ADAMTS2: variants seen among roughly 807,000 people sequenced by gnomAD.
ADAMTS2 encodes ADAM metallopeptidase with thrombospondin type 1 motif 2.
ADAMTS2 carries 50 observed loss-of-function variants against 123.0 expected under a neutral mutation model. That is an observed-to-expected ratio of 0.41 (90% CI 0.32 to 0.51). ADAMTS2 has a LOEUF of 0.51. Among genes scored for constraint, ADAMTS2 ranks in the 20% least tolerant of loss-of-function variants. The pLI is 0.35. For missense variants in ADAMTS2, 1,494 were observed against 1,705.2 expected (o/e 0.88, Z 2.18); for synonymous variants, 678 against 695.4 (o/e 0.98, Z 0.39).
In ADAMTS2 at chr5:179,117,897, A is replaced by G. The variant is rs1452087060; in HGVS notation, c.3179-3573T>C. The stretch of plus-strand genomic sequence containing the variant: ...AAGGCAGAGCTGAGTCCTGTGACAG[A>G]GACCATGTGGGCTCCAATGCCCAAA... On this transcript the variant is annotated intron_variant, in intron 21 of 21. Coordinates refer to ENST00000251582, the MANE Select transcript of ADAMTS2 (RefSeq NM_014244.5). This position sits in a 1 kb window ranked among gnomAD's most constrained non-coding sequence, Gnocchi z 4.2. Among the ~76,000 whole-genome samples the G allele has an allele frequency of 6.6e-6, 1 of 152,198 alleles. No individual in the cohort carries two copies. Among genetic ancestry groups the G allele is most frequent in the Non-Finnish European group, 1.5e-5 (1 of 68,030 alleles).
At chr5:179,299,530 A>AACACACACACACACACACACACAC (rs3986821) in intron 2 of ADAMTS2, among the ~76,000 whole-genome samples, 76 of 120,518 alleles carry the variant, frequency 6.3e-4, no homozygotes, top group South Asian at 4.8e-3. Context: ...CTCCAACTCA[A>AACACACACACACACACACACACAC]ACACACACAC....
chr5:179,276,921 G>A (rs927791179), intron 2 of ADAMTS2, among the ~76,000 whole-genome samples: 2 of 152,172 alleles, frequency 1.3e-5, no homozygotes, highest in Non-Finnish European at 2.9e-5. Context: ...GCCTGGGGAA[G>A]GGCAGTACTC....
chr5:179,175,398 C>A lies in ADAMTS2; in HGVS notation c.975+5674G>T, dbSNP rs1401281881. Among the ~76,000 whole-genome samples the A allele has an allele frequency of 1.3e-5, 2 of 152,240 alleles. No homozygotes were observed. The highest frequency in any genetic ancestry group is 4.8e-5 in the African/African-American group (2 of 41,460). ...ATGAATCTGGGAAAGGCCAACCTCT[C>A]GATTATACCCAGCTTCCCATGAGGA... On this transcript the variant is annotated intron_variant, in intron 5 of 21. Coordinates refer to ENST00000251582, the MANE Select transcript of ADAMTS2 (RefSeq NM_014244.5). This position sits in a 1 kb window ranked among gnomAD's most constrained non-coding sequence, Gnocchi z 4.1.
intron 2 of ADAMTS2, among the ~76,000 whole-genome samples, chr5:179,286,307 A>G (rs1426811002): frequency 6.7e-6 from 1 of 148,956 alleles, no homozygotes; most frequent in Non-Finnish European, 1.5e-5. Flanking sequence ...ACACCTTTGC[A>G]CAGCTGTTCC....
intron 3 of ADAMTS2, among the ~76,000 whole-genome samples, chr5:179,263,795 G>A (rs978561536): frequency 7.9e-5 from 12 of 152,258 alleles, no homozygotes; most frequent in Non-Finnish European, 1.3e-4. Flanking sequence ...AGAGAGAGAA[G>A]ACAGACGCCA....
At chr5:179,230,655 G>C (rs1428515188) in intron 3 of ADAMTS2, among the ~76,000 whole-genome samples, 1 of 152,142 alleles carries the variant, frequency 6.6e-6, no homozygotes, top group African/African-American at 2.4e-5. Context: ...TCCATTTCAC[G>C]CATGTACCTA....
At chr5:179,138,003 G>A (rs1763096217) in intron 11 of ADAMTS2, 59 bp from the exon 12 acceptor site, 1 of 1,527,626 alleles carries the variant, frequency 6.5e-7, no homozygotes, top group East Asian at 2.4e-5. Context: ...CAGCACCCGG[G>A]TGCCCTTGTG....
chr5:179,296,524 A>G (rs1756339191), intron 2 of ADAMTS2, among the ~76,000 whole-genome samples: 1 of 152,160 alleles, frequency 6.6e-6, no homozygotes, highest in Non-Finnish European at 1.5e-5. Context: ...TTCAGCAAGG[A>G]AAGCAGGAGG....
chr5:179,124,668 C>T (rs1762820055), intron 19 of ADAMTS2, among the ~76,000 whole-genome samples: 1 of 152,260 alleles, frequency 6.6e-6, no homozygotes, highest in Non-Finnish European at 1.5e-5. Context: ...GAGCTACATC[C>T]AGGCCCACGG....
chr5:179,167,503 T>C (rs1763727192), intron 5 of ADAMTS2, among the ~76,000 whole-genome samples: 1 of 152,214 alleles, frequency 6.6e-6, no homozygotes, highest in Non-Finnish European at 1.5e-5. Flanking sequence ...ATCTATGCTC[T>C]TCCCTCCTTC....
Position 179,345,320 on chromosome 5 carries a change from C to T in ADAMTS2, c.9G>A (p.Pro3=), listed in dbSNP as rs1757918952. MD[P]PAGAARRLLC... ...GCAGGCGGCGAGCGGCTCCCGCCGG[C>T]GGATCCATGGCAGCCGGACTGCAGC... is the stretch of plus-strand genomic sequence containing the variant. The change falls in exon 1 of 22, where the codon CCG becomes CCA. Residue 3 remains proline (P), a synonymous_variant. Coordinates refer to ENST00000251582, the MANE Select transcript of ADAMTS2 (RefSeq NM_014244.5). This position sits in a 1 kb window ranked among gnomAD's most constrained non-coding sequence, Gnocchi z 7.5. The T allele has an allele frequency of 2.6e-6, 3 of 1,135,030 alleles. No individual in the cohort carries two copies. Among genetic ancestry groups the T allele is most frequent in the Admixed American group, 4.9e-5 (1 of 20,372 alleles). 70.3% of individuals were successfully genotyped at this position (1,135,030 alleles called of 1,614,324 possible).
chr5:179,247,440 C>G (rs1765826512), intron 3 of ADAMTS2, among the ~76,000 whole-genome samples: 1 of 151,982 alleles, frequency 6.6e-6, no homozygotes, highest in Non-Finnish European at 1.5e-5. Flanking sequence ...AATAGAGAAA[C>G]AAAGGGGCAT....
chr5:179,338,358 G>A (rs563946133), intron 2 of ADAMTS2, among the ~76,000 whole-genome samples: 26 of 152,320 alleles, frequency 1.7e-4, no homozygotes, highest in African/African-American at 6.3e-4. Context: ...GCAGGGACTG[G>A]GTTCAAAGCC....
intron 2 of ADAMTS2, among the ~76,000 whole-genome samples, chr5:179,341,035 C>T (rs1168339767): frequency 6.6e-6 from 1 of 152,192 alleles, no homozygotes; most frequent in Non-Finnish European, 1.5e-5. Flanking sequence ...TAACTTCCGT[C>T]TAGTCACTCA....
At position 179,335,503 on chromosome 5, in the gene ADAMTS2, C is replaced by T. The variant is rs576171528; in HGVS notation, c.534+8264G>A. Among the ~76,000 whole-genome samples, 11 of 152,166 alleles carry T rather than the reference C, an allele frequency of 7.2e-5. No homozygotes were observed. In the South Asian group the frequency reaches 2.3e-3, roughly 32 times the overall value. Reference sequence around the variant, plus strand: ...GTACTTAATACTTTGACTATTAGAGCCTTACAGTTCTAATAATAAACACAG... The same window carrying T: ...GTACTTAATACTTTGACTATTAGAGTCTTACAGTTCTAATAATAAACACAG... On this transcript the variant is annotated intron_variant, in intron 2 of 21. Coordinates refer to ENST00000251582, the MANE Select transcript of ADAMTS2 (RefSeq NM_014244.5).
intron 3 of ADAMTS2, among the ~76,000 whole-genome samples, chr5:179,253,529 C>T (rs954431030): frequency 6.6e-6 from 1 of 151,954 alleles, no homozygotes; most frequent in Non-Finnish European, 1.5e-5. Context: ...GCCTGTAATC[C>T]CAGCTGCTAG....
chr5:179,224,164 G>A (rs943617776), intron 3 of ADAMTS2, among the ~76,000 whole-genome samples: 2 of 152,204 alleles, frequency 1.3e-5, no homozygotes, highest in East Asian at 1.9e-4. Flanking sequence ...GAGCATGAGG[G>A]CGGCGTGAGG....
chr5:179,190,449 GA>G (rs1440318309), intron 4 of ADAMTS2, among the ~76,000 whole-genome samples: 1 of 142,254 alleles, frequency 7.0e-6, no homozygotes, highest in Non-Finnish European at 1.5e-5. Context: ...CACAGCGTCC[GA>G]ATAAAAGGAG....
chr5:179,267,190 T>C (rs1322733766), intron 3 of ADAMTS2, among the ~76,000 whole-genome samples: 1 of 152,016 alleles, frequency 6.6e-6, no homozygotes, highest in African/African-American at 2.4e-5. Context: ...CAAGGCAAAG[T>C]CACAGGGTGG....
Sources: gnomAD v4.1 joint callset for allele counts (sites outside exome capture counted in the v4.1 genomes callset) on GRCh38, gnomAD v4.1.1 for gene constraint, Gnocchi (gnomAD v3.1) non-coding constraint, MANE v1.5 for transcripts, NCBI Gene and HGNC (gene_info 2026-07-23, HGNC 2026-07-21) for gene names.